ZBTB2: variants seen among roughly 807,000 people sequenced by gnomAD.
The protein encoded by ZBTB2 is zinc finger and BTB domain containing 2.
A neutral mutation model predicts 39.5 loss-of-function variants in ZBTB2; 2 were observed. That is an observed-to-expected ratio of 0.05 (90% CI 0.02 to 0.16). The LOEUF (loss-of-function observed/expected upper bound fraction) is 0.16, where lower values mean the gene tolerates loss of function less well. Among genes scored for constraint, ZBTB2 ranks in the 10% least tolerant of loss-of-function variants. The probability of loss-of-function intolerance (pLI) is 1.00; values close to 1 mark genes in which losing one functional copy is unlikely to be tolerated. For synonymous variants in ZBTB2, 251 were observed against 256.6 expected (o/e 0.98, Z 0.21); for missense variants, 391 against 653.0 (o/e 0.60, Z 4.37).
At chr6:151,379,131 C>T (rs1320743328) in intron 1 of ZBTB2, among the ~76,000 whole-genome samples, 4 of 152,176 alleles carry the variant, frequency 2.6e-5, no homozygotes, top group Admixed American at 6.5e-5. Flanking sequence ...TATGGACACA[C>T]AAAATGTGAG....
At chr6:151,378,978 C>T (rs546656735) in intron 1 of ZBTB2, among the ~76,000 whole-genome samples, 2 of 152,284 alleles carry the variant, frequency 1.3e-5, no homozygotes, top group African/African-American at 4.8e-5. Flanking sequence ...CTTATAGAAC[C>T]AGTACATTCA....
At chr6:151,367,001 T>C (rs922388275) in intron 2 of ZBTB2, 109 bp from the exon 3 acceptor site, 2 of 1,189,510 alleles carry the variant, frequency 1.7e-6, no homozygotes, top group Non-Finnish European at 2.3e-6. Context: ...ACATTTCCTA[T>C]CCTTGATTTT....
intron 2 of ZBTB2, among the ~76,000 whole-genome samples, chr6:151,371,458 T>C (rs1051894279): frequency 5.9e-5 from 9 of 151,544 alleles, no homozygotes; most frequent in African/African-American, 2.2e-4. Context: ...TTTGTTTCAC[T>C]TGACTGGGAG....
In ZBTB2 at chr6:151,364,642, T is replaced by C. The variant is rs748893020; in HGVS notation, c.*879A>G. 3.3e-5 allele frequency: 5 copies of C among 152,234 alleles called. No individual in the cohort carries two copies. The highest frequency in any genetic ancestry group is 4.4e-5 in the Non-Finnish European group (3 of 68,046). 9.4% of individuals were successfully genotyped at this position (152,234 alleles called of 1,614,324 possible). ...GTACACACACTGATTTAAAAGTTAGTGTAAAACAAATTATCACTGGCAGCT... is the reference window on the plus strand; with the variant it reads ...GTACACACACTGATTTAAAAGTTAGCGTAAAACAAATTATCACTGGCAGCT... On this transcript the variant is annotated 3_prime_UTR_variant, in exon 3 of 3. Coordinates refer to ENST00000325144, the MANE Select transcript of ZBTB2 (RefSeq NM_020861.3).
At chr6:151,384,065 A>T (rs140665405) in intron 1 of ZBTB2, among the ~76,000 whole-genome samples, 4 of 152,342 alleles carry the variant, frequency 2.6e-5, no homozygotes, top group Admixed American at 2.0e-4. Context: ...TAGTTATCCT[A>T]GATTGACCTA....
At chr6:151,390,843 C>A (rs994734022) in intron 1 of ZBTB2, among the ~76,000 whole-genome samples, 1 of 150,622 alleles carries the variant, frequency 6.6e-6, no homozygotes, top group Non-Finnish European at 1.5e-5. Context: ...GCGGCAGCAG[C>A]AGGAGGCGGC....
In ZBTB2 at chr6:151,373,663, AATTTT is replaced by A. The variant is rs1412478033; in HGVS notation, c.-12-19_-12-15del. ...TTTTTAAAAAATCTGCAAAGCAAAC[AATTTT>A]ATTTTTAAGAAGGTGATTCACAAAT... On this transcript the variant is annotated splice_polypyrimidine_tract_variant and intron_variant, in intron 1 of 2. Transcript: ENST00000325144. 5.6e-6 allele frequency: 9 copies of A among 1,607,856 alleles called. No individual in the cohort carries two copies. The highest frequency in any genetic ancestry group is 7.7e-6 in the Non-Finnish European group (9 of 1,176,018).
intron 1 of ZBTB2, among the ~76,000 whole-genome samples, chr6:151,380,354 C>T (rs148356924): frequency 6.6e-6 from 1 of 152,190 alleles, no homozygotes; most frequent in Non-Finnish European, 1.5e-5. Flanking sequence ...ACTATGGGCT[C>T]CACCCTGGCC....
rs1266505010 is a variant in ZBTB2, at chr6:151,377,478, C to T, written c.-12-3829G>A. ...CTGCCTCCCGGGTTCAAGCTATTCT[C>T]CTGCCTCAGCCTCCTGAGTAGCTGG... is the stretch of plus-strand genomic sequence containing the variant. On this transcript the variant is annotated intron_variant, in intron 1 of 2. Transcript: ENST00000325144. Among the ~76,000 whole-genome samples the T allele has an allele frequency of 6.0e-5, 9 of 149,806 alleles. No individual in the cohort carries two copies. In the East Asian group the frequency reaches 1.6e-3, roughly 26 times the overall value.
At chr6:151,377,277 A>T (rs1241453689) in intron 1 of ZBTB2, among the ~76,000 whole-genome samples, 2 of 152,024 alleles carry the variant, frequency 1.3e-5, no homozygotes, top group Non-Finnish European at 2.9e-5. Flanking sequence ...AGTTTGCAAG[A>T]TGTTTCCATT....
chr6:151,373,388 A>G, intron 2 of ZBTB2, 77 bp downstream of exon 2: 1 of 1,523,128 alleles, frequency 6.6e-7, no homozygotes, highest in South Asian at 1.2e-5. Flanking sequence ...AGAGAGACCC[A>G]TGGTCTTGAT....
intron 2 of ZBTB2, among the ~76,000 whole-genome samples, chr6:151,368,131 G>A (rs1463486593): frequency 6.6e-6 from 1 of 152,000 alleles, no homozygotes; most frequent in Non-Finnish European, 1.5e-5. Flanking sequence ...ATGTTCATTT[G>A]ATTAACAAAT....
At chr6:151,379,328 T>C (rs1778982654) in intron 1 of ZBTB2, among the ~76,000 whole-genome samples, 1 of 152,120 alleles carries the variant, frequency 6.6e-6, no homozygotes, top group Non-Finnish European at 1.5e-5. Context: ...TCCTATTCGA[T>C]TGTCTTTTTC....
At chr6:151,369,277 G>A (rs1472587756) in intron 2 of ZBTB2, among the ~76,000 whole-genome samples, 2 of 152,172 alleles carry the variant, frequency 1.3e-5, no homozygotes, top group African/African-American at 4.8e-5. Flanking sequence ...GGAAAAGAAA[G>A]CGGCGAGTCC....
Position 151,384,388 on chromosome 6 carries a change from G to A in ZBTB2, c.-13+7032C>T, listed in dbSNP as rs546283496. 4.6e-5 allele frequency among the ~76,000 whole-genome samples: 7 copies of A among 152,290 alleles called. No individual in the cohort carries two copies. The East Asian group carries it at 7.7e-4, about 17-fold the overall frequency. On this transcript the variant is annotated intron_variant, in intron 1 of 2. Coordinates refer to ENST00000325144, the MANE Select transcript of ZBTB2 (RefSeq NM_020861.3). ...AGGAGGGGGTAACAAGCGGGCAAGT[G>A]AAGACCTGCTGGAAAGTGGTCTAGA...
At chr6:151,373,861 A>AAC (rs1778839942) in intron 1 of ZBTB2, among the ~76,000 whole-genome samples, 2 of 144,006 alleles carry the variant, frequency 1.4e-5, no homozygotes, top group Admixed American at 1.4e-4. Flanking sequence ...AAAAAAAAAA[A>AAC]AAAAAAAAAA....
At chr6:151,389,230 C>A (rs916693738) in intron 1 of ZBTB2, among the ~76,000 whole-genome samples, 1 of 151,826 alleles carries the variant, frequency 6.6e-6, no homozygotes, top group Non-Finnish European at 1.5e-5. Flanking sequence ...AAGACCGTCT[C>A]GGGCAACATA....
At chr6:151,391,221 C>G (rs1330690429) in intron 1 of ZBTB2, among the ~76,000 whole-genome samples, 199 bp downstream of exon 1, 1 of 151,746 alleles carries the variant, frequency 6.6e-6, no homozygotes, top group Non-Finnish European at 1.5e-5. Context: ...AGAACCGGGT[C>G]CCCGAGTGGC....
chr6:151,374,276 A>T (rs1778853177), intron 1 of ZBTB2, among the ~76,000 whole-genome samples: 2 of 152,080 alleles, frequency 1.3e-5, no homozygotes, highest in South Asian at 4.2e-4. Context: ...CTTACGGAGG[A>T]AGTGGGGTTG....
Sources: allele counts gnomAD v4.1 joint callset (sites outside exome capture counted in the v4.1 genomes callset), GRCh38; gene constraint gnomAD v4.1.1; transcripts MANE v1.5; gene names NCBI Gene and HGNC (gene_info 2026-07-23, HGNC 2026-07-21).